The following CPEB3 variants were observed in gnomAD, a reference collection of about 807,000 sequenced individuals.
CPEB3 encodes cytoplasmic polyadenylation element binding protein 3, also known as cytoplasmic polyadenylation element-binding protein 3.
CPEB3 carries 20 observed loss-of-function variants against 67.2 expected under a neutral mutation model. The ratio of observed to expected loss-of-function variants is 0.30; its 90% CI spans 0.21 to 0.43. The LOEUF (loss-of-function observed/expected upper bound fraction) is 0.43. CPEB3 is among the 20% of genes least tolerant of loss of function. The probability of loss-of-function intolerance (pLI) is 1.00; values close to 1 mark genes in which losing one functional copy is unlikely to be tolerated. For synonymous variants in CPEB3, 376 were observed against 393.1 expected, an observed-to-expected ratio of 0.96 and a Z score of 0.51; for missense variants, 746 against 968.6, an observed-to-expected ratio of 0.77 and a Z score of 3.05.
intron 7 of CPEB3, among the ~76,000 whole-genome samples, chr10:92,095,633 C>T (rs1417706847): frequency 5.3e-5 from 7 of 132,138 alleles, no homozygotes; most frequent in East Asian, 2.1e-4. Context: ...ATATATATTG[C>T]GTATATATAT....
intron 6 of CPEB3, among the ~76,000 whole-genome samples, chr10:92,118,088 C>G (rs1300433622): frequency 6.6e-6 from 1 of 152,106 alleles, no homozygotes; most frequent in Non-Finnish European, 1.5e-5. Context: ...ACAGAACTTG[C>G]CTTTAAAATG....
At chr10:92,096,923 G>A (rs1843908313) in intron 7 of CPEB3, among the ~76,000 whole-genome samples, 3 of 152,178 alleles carry the variant, frequency 2.0e-5, no homozygotes, top group Non-Finnish European at 1.5e-5. Context: ...TCCAGCCTGG[G>A]TGACAGAGTG....
At chr10:92,274,820 A>C (rs1490884914) in intron 1 of CPEB3, among the ~76,000 whole-genome samples, 1 of 152,148 alleles carries the variant, frequency 6.6e-6, no homozygotes, top group Non-Finnish European at 1.5e-5. Context: ...GGGAGACTCT[A>C]TCTCAAAAAA....
At chr10:92,099,617 G>A (rs1216346645) in intron 7 of CPEB3, among the ~76,000 whole-genome samples, 1 of 149,728 alleles carries the variant, frequency 6.7e-6, no homozygotes, top group Non-Finnish European at 1.5e-5. Flanking sequence ...ACTTTGGGAG[G>A]CCAAGGCAGG....
chr10:92,218,539 G>C (rs1850545227), intron 2 of CPEB3, among the ~76,000 whole-genome samples: 1 of 152,216 alleles, frequency 6.6e-6, no homozygotes, highest in African/African-American at 2.4e-5. Flanking sequence ...AGGATGCATG[G>C]ATATATGTGC....
intron 1 of CPEB3, among the ~76,000 whole-genome samples, chr10:92,260,988 G>C (rs1304493975): frequency 6.6e-6 from 1 of 152,088 alleles, no homozygotes; most frequent in African/African-American, 2.4e-5. Flanking sequence ...GGCTGGTCCA[G>C]GCCTGAAGTA....
chr10:92,264,960 G>GT (rs1852986246), intron 1 of CPEB3, among the ~76,000 whole-genome samples: 1 of 152,076 alleles, frequency 6.6e-6, no homozygotes, highest in Non-Finnish European at 1.5e-5. Flanking sequence ...GAGGTCAGGA[G>GT]TTTGAGACCA....
At chr10:92,228,677 C>CTATATA (rs1851103514) in intron 2 of CPEB3, among the ~76,000 whole-genome samples, 1 of 151,806 alleles carries the variant, frequency 6.6e-6, no homozygotes, top group African/African-American at 2.4e-5. Context: ...AATGGGCATA[C>CTATATA]TATATAACCT....
At chr10:92,113,194 A>C (rs186096102) in intron 6 of CPEB3, among the ~76,000 whole-genome samples, 2 of 152,370 alleles carry the variant, frequency 1.3e-5, no homozygotes, top group Non-Finnish European at 2.9e-5. Context: ...CTTTGGTCTC[A>C]TGCTGCATAG....
intron 6 of CPEB3, among the ~76,000 whole-genome samples, chr10:92,121,841 A>C (rs540690602): frequency 6.6e-6 from 1 of 152,260 alleles, no homozygotes; most frequent in South Asian, 2.1e-4. Flanking sequence ...GCTTCCTATT[A>C]CCAGTGACCT....
At chr10:92,065,704 A>G (rs891407596) in intron 9 of CPEB3, among the ~76,000 whole-genome samples, 3 of 152,144 alleles carry the variant, frequency 2.0e-5, no homozygotes, top group African/African-American at 7.2e-5. Context: ...GCTTCATTTA[A>G]AGAGTACATC....
At chr10:92,175,201 G>A (rs1351547416) in intron 4 of CPEB3, among the ~76,000 whole-genome samples, 1 of 150,400 alleles carries the variant, frequency 6.6e-6, no homozygotes, top group Admixed American at 6.7e-5. Flanking sequence ...CAATAGATTA[G>A]TTTACATTTT....
chr10:92,082,155 C>T (rs1843178069), intron 8 of CPEB3, among the ~76,000 whole-genome samples: 1 of 152,152 alleles, frequency 6.6e-6, no homozygotes, highest in Non-Finnish European at 1.5e-5. Flanking sequence ...TACAACCTAC[C>T]ACAGAGCACT....
chr10:92,179,257 A>G (rs1848361791), intron 4 of CPEB3, among the ~76,000 whole-genome samples: 1 of 152,214 alleles, frequency 6.6e-6, no homozygotes, highest in Non-Finnish European at 1.5e-5. Flanking sequence ...GAAATCTTGG[A>G]TTTAAAAGCA....
chr10:92,200,793 T>C (rs545748662), intron 2 of CPEB3, among the ~76,000 whole-genome samples: 1 of 152,268 alleles, frequency 6.6e-6, no homozygotes, highest in East Asian at 1.9e-4. Flanking sequence ...AAGCACATTT[T>C]TGCCAAGTCT....
At chr10:92,279,705 GA>G (rs1013135071) in intron 1 of CPEB3, among the ~76,000 whole-genome samples, 1 of 151,192 alleles carries the variant, frequency 6.6e-6, no homozygotes, top group Non-Finnish European at 1.5e-5. Flanking sequence ...TGCCAGGAGT[GA>G]AAAAAAATAA....
At chr10:92,193,534 T>C (rs536304126) in intron 2 of CPEB3, among the ~76,000 whole-genome samples, 2 of 151,904 alleles carry the variant, frequency 1.3e-5, no homozygotes, top group East Asian at 3.9e-4. Context: ...CATGGCTCAC[T>C]TCAGTCCCGA....
chr10:92,231,034 G>T (rs1851242875), intron 2 of CPEB3, among the ~76,000 whole-genome samples: 1 of 152,140 alleles, frequency 6.6e-6, no homozygotes, highest in African/African-American at 2.4e-5. Context: ...AAAATTAAGA[G>T]TTTAAGCATT....
chr10:92,098,311 C>T (rs547619414), intron 7 of CPEB3, among the ~76,000 whole-genome samples: 163 of 151,732 alleles, frequency 1.1e-3, no homozygotes, highest in African/African-American at 3.8e-3. Flanking sequence ...CCCTACTATA[C>T]CTTACTCTTT....
Sources: allele counts gnomAD v4.1 joint callset (sites outside exome capture counted in the v4.1 genomes callset), GRCh38; gene constraint gnomAD v4.1.1; transcripts MANE v1.5; gene names NCBI Gene and HGNC (gene_info 2026-07-23, HGNC 2026-07-21).